Variants in CDH8 observed in about 807,000 individuals in gnomAD.
CDH8 encodes cadherin-8.
A neutral mutation model predicts 68.1 loss-of-function variants in CDH8; 17 were observed. The ratio of observed to expected loss-of-function variants is 0.25; its 90% CI spans 0.17 to 0.37. The LOEUF is 0.37. Among genes scored for constraint, CDH8 ranks in the 10% least tolerant of loss-of-function variants. The pLI is 1.00. For missense variants in CDH8, 763 were observed against 999.3 expected (o/e 0.76, Z 3.19); for synonymous variants, 372 against 365.1 (o/e 1.02, Z -0.21).
At chr16:61,837,860 G>C (rs889369460) in intron 4 of CDH8, among the ~76,000 whole-genome samples, 6 of 151,992 alleles carry the variant, frequency 3.9e-5, no homozygotes, top group Non-Finnish European at 7.4e-5. Context: ...AAGCAGAGGG[G>C]AATAGATCTC....
Position 61,741,478 on chromosome 16 carries a change from T to G in CDH8, c.1415-14263A>C, listed in dbSNP as rs532739506. Among the ~76,000 whole-genome samples, 10 of 152,294 alleles carry G rather than the reference T, an allele frequency of 6.6e-5. No homozygotes were observed. In the South Asian group the frequency reaches 2.1e-3, roughly 32 times the overall value. On this transcript the variant is annotated intron_variant, in intron 8 of 11. Transcript: ENST00000577390. ...TATTCCAGAATTTGAAAATCCCATGTTAACTTTTGGAAGGTCTATTATTTT... is the reference window on the plus strand; with the variant it reads ...TATTCCAGAATTTGAAAATCCCATGGTAACTTTTGGAAGGTCTATTATTTT...
chr16:61,987,426 G>A (rs1965647431), intron 2 of CDH8, among the ~76,000 whole-genome samples: 1 of 152,134 alleles, frequency 6.6e-6, no homozygotes, highest in Non-Finnish European at 1.5e-5. Context: ...AGAATCACTT[G>A]AACCTGCGAG....
intron 2 of CDH8, among the ~76,000 whole-genome samples, chr16:61,935,238 T>C (rs1964610277): frequency 6.6e-6 from 1 of 152,162 alleles, no homozygotes; most frequent in African/African-American, 2.4e-5. Flanking sequence ...TTATCCTATT[T>C]TGAATGCATC....
At chr16:61,770,937 C>T (rs1960761576) in intron 8 of CDH8, among the ~76,000 whole-genome samples, 1 of 151,890 alleles carries the variant, frequency 6.6e-6, no homozygotes, top group Non-Finnish European at 1.5e-5. Flanking sequence ...ATTTGGTACA[C>T]CAAGTGAATG....
chr16:61,670,057 G>C (rs1963759655), intron 10 of CDH8, among the ~76,000 whole-genome samples: 1 of 151,972 alleles, frequency 6.6e-6, no homozygotes. Flanking sequence ...TAATGATATT[G>C]ATTGCCTATT....
chr16:61,652,941 C>T lies in CDH8; in HGVS notation c.*667G>A, dbSNP rs1479163820. On this transcript the variant is annotated 3_prime_UTR_variant, in exon 12 of 12. Transcript: ENST00000577390. ...TTGAATGGGATTTCTCTCCTCCCAC[C>T]ACTGAATTGGCAAGCCCCACCCTGG... is the stretch of plus-strand genomic sequence containing the variant. The T allele has an allele frequency of 2.0e-6, 3 of 1,527,244 alleles. No individual in the cohort carries two copies. The Admixed American group carries it at 6.0e-5, about 31-fold the overall frequency. The allele number at this position is 1,527,244 out of a possible 1,614,324, so 94.6% of individuals were successfully genotyped here.
intron 2 of CDH8, among the ~76,000 whole-genome samples, chr16:62,008,654 AC>A (rs1901729437): frequency 6.6e-6 from 1 of 152,268 alleles, no homozygotes; most frequent in African/African-American, 2.4e-5. Flanking sequence ...GGCATGAGTC[AC>A]AGTCTTAAAT....
At chr16:61,743,501 T>C (rs920021407) in intron 8 of CDH8, 5 of 152,294 alleles carry the variant, frequency 3.3e-5, no homozygotes, top group South Asian at 4.1e-4. Flanking sequence ...TGAATCTCTA[T>C]AGAAGTTGTA....
At position 61,671,792 on chromosome 16, in the gene CDH8, A is replaced by G. The variant is rs1963801554; in HGVS notation, c.1655-16071T>C. On this transcript the variant is annotated intron_variant, in intron 10 of 11. Transcript: ENST00000577390. ...GATCACACAAGAATGACTTTACATT[A>G]AGGTCAAACTGATTTACTTTCCCTC... 1.3e-5 allele frequency among the ~76,000 whole-genome samples: 2 copies of G among 152,062 alleles called. 1 individual carries two copies. The highest frequency in any genetic ancestry group is 3.9e-4 in the East Asian group (2 of 5,144).
At chr16:61,791,739 GC>G (rs1355482497) in intron 7 of CDH8, among the ~76,000 whole-genome samples, 1 of 151,982 alleles carries the variant, frequency 6.6e-6, no homozygotes, top group Admixed American at 6.6e-5. Flanking sequence ...AGCATGGGGA[GC>G]AAAAACGGGG....
chr16:61,823,238 T>A (rs926674301), intron 5 of CDH8, among the ~76,000 whole-genome samples: 15 of 151,880 alleles, frequency 9.9e-5, no homozygotes, highest in African/African-American at 3.6e-4. Context: ...CAAAGATACC[T>A]CAAATGTGTC....
chr16:61,734,379 A>G (rs1959618148), intron 8 of CDH8, among the ~76,000 whole-genome samples: 1 of 152,072 alleles, frequency 6.6e-6, no homozygotes, highest in African/African-American at 2.4e-5. Context: ...CAAGGATGCT[A>G]CAATGAGCAT....
chr16:62,032,243 G>T (rs1902344649), intron 1 of CDH8, among the ~76,000 whole-genome samples: 1 of 152,154 alleles, frequency 6.6e-6, no homozygotes, highest in African/African-American at 2.4e-5. Context: ...AGATGAAATG[G>T]CAAAGGGAAC....
At chr16:61,999,475 A>C (rs1965857128) in intron 2 of CDH8, among the ~76,000 whole-genome samples, 1 of 152,182 alleles carries the variant, frequency 6.6e-6, no homozygotes, top group African/African-American at 2.4e-5. Flanking sequence ...AAGGCTTTGG[A>C]GCTAGATAGA....
At chr16:61,916,085 C>T (rs1964233914) in intron 2 of CDH8, among the ~76,000 whole-genome samples, 1 of 152,206 alleles carries the variant, frequency 6.6e-6, no homozygotes. Context: ...ATAACAGATG[C>T]TCACTATATA....
At chr16:61,827,027 C>A (rs567309774) in intron 4 of CDH8, among the ~76,000 whole-genome samples, 1 of 151,816 alleles carries the variant, frequency 6.6e-6, no homozygotes, top group South Asian at 2.1e-4. Flanking sequence ...AATATATCAA[C>A]CATTCAGATT....
chr16:61,660,993 G>C (rs1248320783), intron 10 of CDH8, among the ~76,000 whole-genome samples: 1 of 151,708 alleles, frequency 6.6e-6, no homozygotes, highest in African/African-American at 2.4e-5. Flanking sequence ...AATAAAAAGA[G>C]TATCAGAGAC....
At chr16:62,015,796 C>T (rs1901924810) in intron 2 of CDH8, among the ~76,000 whole-genome samples, 2 of 152,132 alleles carry the variant, frequency 1.3e-5, no homozygotes, top group South Asian at 4.1e-4. Context: ...CTTCCTTGCC[C>T]TCTTTCTACC....
At chr16:61,910,133 A>G (rs1372977605) in intron 2 of CDH8, among the ~76,000 whole-genome samples, 2 of 152,140 alleles carry the variant, frequency 1.3e-5, no homozygotes, top group Non-Finnish European at 2.9e-5. Context: ...CACAAATGAA[A>G]CCTTTTTGAT....
Sources: gnomAD v4.1 joint callset for allele counts (sites outside exome capture counted in the v4.1 genomes callset) on GRCh38, gnomAD v4.1.1 for gene constraint, MANE v1.5 for transcripts, NCBI Gene and HGNC (gene_info 2026-07-23, HGNC 2026-07-21) for gene names.